KNTC1: variants seen among roughly 807,000 people sequenced by gnomAD.
The protein encoded by KNTC1 is kinetochore associated 1.
Under a neutral mutation model 314.4 loss-of-function variants are expected in KNTC1, and 253 were observed. The ratio of observed to expected loss-of-function variants is 0.80; its 90% CI spans 0.73 to 0.89. The LOEUF (loss-of-function observed/expected upper bound fraction) is 0.89. Among genes scored for constraint, KNTC1 ranks in the 40% least tolerant of loss-of-function variants. The pLI is 0.00. For missense variants in KNTC1, 2,475 were observed against 2,572.9 expected (o/e 0.96, Z 0.82); for synonymous variants, 901 against 901.4 (o/e 1.00, Z 0.01).
intron 52 of KNTC1, among the ~76,000 whole-genome samples, chr12:122,610,576 A>G (rs540215442): frequency 6.6e-6 from 1 of 152,238 alleles, no homozygotes; most frequent in African/African-American, 2.4e-5. Context: ...TTGACTAGCT[A>G]TTCTATAGAT....
intron 49 of KNTC1, 84 bp downstream of exon 49, chr12:122,604,721 G>A: frequency 2.4e-6 from 3 of 1,243,080 alleles, no homozygotes. Flanking sequence ...TGCTGCCCTG[G>A]TGCCTAAAAT....
intron 31 of KNTC1, among the ~76,000 whole-genome samples, chr12:122,578,484 G>A (rs1196939110): frequency 2.6e-5 from 4 of 151,930 alleles, no homozygotes; most frequent in Non-Finnish European, 4.4e-5. Flanking sequence ...GCACAGTGGC[G>A]CGATCTTAAC....
intron 62 of KNTC1, 84 bp from the exon 63 acceptor site, chr12:122,624,514 C>A (rs766986569): frequency 1.7e-5 from 15 of 870,582 alleles, no homozygotes; most frequent in Non-Finnish European, 2.5e-5. Context: ...GCCATCTGTA[C>A]ATCTTGGCCT....
At chr12:122,569,875 C>T in intron 22 of KNTC1, 51 bp downstream of exon 22, 4 of 1,523,698 alleles carry the variant, frequency 2.6e-6, no homozygotes, top group Non-Finnish European at 3.6e-6. Flanking sequence ...TCATTTTTTA[C>T]ATTAGATCAT....
intron 26 of KNTC1, among the ~76,000 whole-genome samples, 173 bp downstream of exon 26, chr12:122,573,458 G>GA (rs1220841083): frequency 6.6e-6 from 1 of 152,120 alleles, no homozygotes; most frequent in Admixed American, 6.6e-5. Context: ...GAGCAAAGGG[G>GA]GGATACATGA....
At chr12:122,552,053 A>G (rs930007975) in intron 16 of KNTC1, among the ~76,000 whole-genome samples, 1 of 152,122 alleles carries the variant, frequency 6.6e-6, no homozygotes, top group African/African-American at 2.4e-5. Flanking sequence ...GATTATAGGC[A>G]TGCATCACCA....
At chr12:122,618,639 G>C in intron 59 of KNTC1, 94 bp downstream of exon 59, 1 of 928,650 alleles carries the variant, frequency 1.1e-6, no homozygotes, top group Non-Finnish European at 1.7e-6. Flanking sequence ...ATTCCTTTTT[G>C]TTAGGAAGTT....
chr12:122,532,206 CTTTTTTTTT>C (rs139344183), intron 2 of KNTC1, among the ~76,000 whole-genome samples: 7 of 99,556 alleles, frequency 7.0e-5, no homozygotes, highest in African/African-American at 2.6e-4. Flanking sequence ...GCTAATTTTT[CTTTTTTTTT>C]TTTTTTTTTT....
chr12:122,602,546 A>C (rs751605534), intron 45 of KNTC1, 23 bp from the exon 46 acceptor site: 2 of 1,529,550 alleles, frequency 1.3e-6, no homozygotes, highest in Admixed American at 3.8e-5. Flanking sequence ...CTTACTGGAC[A>C]AAAGTTTTTT....
chr12:122,534,826 CA>C, intron 3 of KNTC1, 42 bp downstream of exon 3: 2 of 1,584,878 alleles, frequency 1.3e-6, no homozygotes, highest in Non-Finnish European at 1.7e-6. Context: ...AATTGGAAGT[CA>C]AATACATCTG....
intron 57 of KNTC1, 104 bp from the exon 58 acceptor site, chr12:122,618,239 T>C: frequency 1.1e-6 from 1 of 933,082 alleles, no homozygotes; most frequent in Non-Finnish European, 1.7e-6. Context: ...TTCAAAGTGC[T>C]GGGATTATAG....
At chr12:122,615,302 C>T (rs1331115330) in intron 56 of KNTC1, among the ~76,000 whole-genome samples, 168 bp from the exon 57 acceptor site, 1 of 152,022 alleles carries the variant, frequency 6.6e-6, no homozygotes, top group South Asian at 2.1e-4. Context: ...TGGAAGGTTC[C>T]CTAGCCTTTT....
Position 122,546,635 on chromosome 12 carries a change from C to T in KNTC1, c.777C>T (p.Phe259=). 6.3e-7 allele frequency: 1 copy of T among 1,587,394 alleles called. No individual in the cohort carries two copies. The highest frequency in any genetic ancestry group is 8.6e-7 in the Non-Finnish European group (1 of 1,162,334). ...DAEIIKGAKK[F]QLIDNLLFVL... ...TCTCTTTTGTAGGTGCAAAGAAGTT[C>T]CAGCTGATAGACAATCTACTTTTTG... The change falls in exon 10 of 64, where the codon TTC becomes TTT. Residue 259 remains phenylalanine (F), a synonymous_variant. Coordinates refer to ENST00000333479, the MANE Select transcript of KNTC1 (RefSeq NM_014708.6).
At chr12:122,601,497 A>G (rs201220886) in intron 44 of KNTC1, 39 bp from the exon 45 acceptor site, 2 of 1,472,196 alleles carry the variant, frequency 1.4e-6, no homozygotes, top group African/African-American at 1.4e-5. Context: ...AACATGGCAA[A>G]GTCTTATCAA....
At chr12:122,568,821 G>A (rs562030558) in intron 21 of KNTC1, among the ~76,000 whole-genome samples, 7 of 151,940 alleles carry the variant, frequency 4.6e-5, no homozygotes, top group Admixed American at 6.6e-5. Context: ...GGGTGACAGA[G>A]TGAGACTCCG....
chr12:122,532,244 C>T (rs1961409877), intron 2 of KNTC1, among the ~76,000 whole-genome samples: 5 of 128,070 alleles, frequency 3.9e-5, no homozygotes, highest in Admixed American at 3.8e-4. Context: ...AACTCTTGCT[C>T]TGTCACCAGG....
At position 122,587,713 on chromosome 12, in the gene KNTC1, G is replaced by A. The variant is rs1379375466; in HGVS notation, c.3733G>A (p.Asp1245Asn). 1 of 1,610,288 alleles carries A rather than the reference G, an allele frequency of 6.2e-7. No homozygotes were observed. Among genetic ancestry groups the A allele is most frequent in the East Asian group, 2.2e-5 (1 of 44,840 alleles). Residue 1245 changes from aspartate to asparagine, a missense_variant and splice_region_variant, in exon 39 of 64, where the codon GAT (aspartate) becomes AAT (asparagine). Coordinates refer to ENST00000333479, the MANE Select transcript of KNTC1 (RefSeq NM_014708.6). ...TAAAATCCTTTATCACTCTGCAGGAGATGGCCTTGTTTTACCTGTTATAAA... is the reference window on the plus strand; with the variant it reads ...TAAAATCCTTTATCACTCTGCAGGAAATGGCCTTGTTTTACCTGTTATAAA... ...SLPYCSLNEG[D>N]GLVLPVINSI...
intron 12 of KNTC1, among the ~76,000 whole-genome samples, chr12:122,549,130 A>G (rs7303648): frequency 0.076 from 11,481 of 152,066 alleles, 1,491 homozygotes; most frequent in African/African-American, 0.26. Context: ...ATCTCGGCTC[A>G]CTGCAACCTC....
chr12:122,617,871 G>C (rs909390467), intron 57 of KNTC1, among the ~76,000 whole-genome samples: 2 of 152,150 alleles, frequency 1.3e-5, no homozygotes, highest in African/African-American at 2.4e-5. Context: ...TAATTTTTTT[G>C]TTGAGATACA....
Sources: allele counts gnomAD v4.1 joint callset (sites outside exome capture counted in the v4.1 genomes callset), GRCh38; gene constraint gnomAD v4.1.1; transcripts MANE v1.5; gene names NCBI Gene and HGNC (gene_info 2026-07-23, HGNC 2026-07-21).